The following RELN variants were observed in gnomAD, a reference collection of about 807,000 sequenced individuals.
The protein encoded by RELN is reelin.
Under a neutral mutation model 427.6 loss-of-function variants are expected in RELN, and 108 were observed. The ratio of observed to expected loss-of-function variants is 0.25; its 90% CI spans 0.22 to 0.30. RELN has a LOEUF of 0.30. Ranked by LOEUF, RELN falls within the 10% of genes least tolerant of loss-of-function variation. RELN has a pLI of 1.00. For missense variants in RELN, 3,715 were observed against 4,302.8 expected (o/e 0.86, Z 3.82); for synonymous variants, 1,524 against 1,513.4 (o/e 1.01, Z -0.16).
chr7:103,964,858 A>G (rs1796631369), intron 1 of RELN, among the ~76,000 whole-genome samples: 1 of 152,256 alleles, frequency 6.6e-6, no homozygotes, highest in Middle Eastern at 3.4e-3. Flanking sequence ...ACAGTCAGGG[A>G]CTTGAAGCCA....
In RELN at chr7:103,745,491, C is replaced by A. The variant is rs199964149; in HGVS notation, c.656+3935G>T. Among the ~76,000 whole-genome samples the A allele has an allele frequency of 4.3e-5, 6 of 139,186 alleles. No individual in the cohort carries two copies. The East Asian group carries it at 5.9e-4, about 14-fold the overall frequency. The allele number at this position is 139,186 out of a possible 152,430, so 91.3% of individuals were successfully genotyped here. A position where few individuals can be genotyped will look rare whatever the true frequency, so the allele number is the denominator to read the frequency against. On this transcript the variant is annotated intron_variant, in intron 6 of 64. Transcript: ENST00000428762. ...AAGTCAAATTGTCCCTGTTTGCAGACGACATGATTGTATATCTATAAAACC... is the reference window on the plus strand; with the variant it reads ...AAGTCAAATTGTCCCTGTTTGCAGAAGACATGATTGTATATCTATAAAACC...
At chr7:103,477,321 G>T (rs557489760) in intron 64 of RELN, among the ~76,000 whole-genome samples, 2 of 152,126 alleles carry the variant, frequency 1.3e-5, no homozygotes, top group East Asian at 3.8e-4. Context: ...TTTTTTAATG[G>T]ATTCTAAAGG....
intron 7 of RELN, 130 bp downstream of exon 7, chr7:103,727,981 A>G: frequency 1.2e-6 from 1 of 819,758 alleles, no homozygotes; most frequent in South Asian, 1.5e-5. Flanking sequence ...ATTTTAAGAT[A>G]TTTGTAATAG....
intron 1 of RELN, among the ~76,000 whole-genome samples, chr7:103,926,627 G>GTTTTTTTTTTT (rs60259062): frequency 1.7e-4 from 17 of 99,484 alleles, no homozygotes; most frequent in African/African-American, 3.2e-4. Flanking sequence ...AGTATCATAA[G>GTTTTTTTTTTT]TTTTTTTTTT....
At chr7:103,943,452 A>G (rs536126396) in intron 1 of RELN, among the ~76,000 whole-genome samples, 2 of 152,296 alleles carry the variant, frequency 1.3e-5, no homozygotes, top group African/African-American at 4.8e-5. Flanking sequence ...GGCTGCACTC[A>G]AATTAAATGT....
At chr7:103,733,258 T>G (rs896058341) in intron 6 of RELN, among the ~76,000 whole-genome samples, 3 of 151,354 alleles carry the variant, frequency 2.0e-5, no homozygotes, top group African/African-American at 4.9e-5. Context: ...TCACACCAGT[T>G]AGAATGGCAA....
intron 2 of RELN, among the ~76,000 whole-genome samples, chr7:103,838,290 G>A (rs982951045): frequency 2.0e-5 from 3 of 150,930 alleles, no homozygotes; most frequent in African/African-American, 7.3e-5. Flanking sequence ...TCAGGAGCAG[G>A]ACTGGAAAAA....
At position 103,791,873 on chromosome 7, in the gene RELN, C is replaced by T. The variant is rs1792170382; in HGVS notation, c.474-15246G>A. The stretch of plus-strand genomic sequence containing the variant: ...TCCAGTATATATGAAGAACTCTTTA[C>T]AACTCAATAAAAAATAAGTAACTCA... On this transcript the variant is annotated intron_variant, in intron 3 of 64. Transcript: ENST00000428762. Among the ~76,000 whole-genome samples the T allele has an allele frequency of 2.6e-5, 4 of 151,906 alleles. No individual in the cohort carries two copies. In the South Asian group the frequency reaches 8.3e-4, roughly 31 times the overall value.
intron 4 of RELN, among the ~76,000 whole-genome samples, chr7:103,772,444 T>G (rs762787590): frequency 5.9e-5 from 9 of 152,194 alleles, no homozygotes; most frequent in Non-Finnish European, 1.0e-4. Flanking sequence ...GAAGATTAGA[T>G]GAGTTGTGAA....
chr7:103,532,637 C>T (rs941729265), intron 46 of RELN, among the ~76,000 whole-genome samples: 1 of 152,156 alleles, frequency 6.6e-6, no homozygotes, highest in Non-Finnish European at 1.5e-5. Context: ...CTCTCTCTAT[C>T]TGATCCATAT....
intron 57 of RELN, among the ~76,000 whole-genome samples, chr7:103,493,948 AAGAG>A (rs1341565319): frequency 1.3e-5 from 2 of 152,166 alleles, no homozygotes; most frequent in Non-Finnish European, 2.9e-5. Flanking sequence ...TGGTTATAGA[AAGAG>A]AGACCCAGTC....
At chr7:103,899,766 C>T (rs974937775) in intron 2 of RELN, among the ~76,000 whole-genome samples, 2 of 152,092 alleles carry the variant, frequency 1.3e-5, no homozygotes, top group African/African-American at 4.8e-5. Flanking sequence ...GCTAAAAACT[C>T]TCAATAAACT....
chr7:103,704,220 A>G (rs1408371923), intron 8 of RELN, among the ~76,000 whole-genome samples: 2 of 152,144 alleles, frequency 1.3e-5, no homozygotes, highest in Non-Finnish European at 2.9e-5. Context: ...TGTTTACTCA[A>G]CCCCATAATA....
chr7:103,909,871 T>A (rs927164406), intron 2 of RELN, among the ~76,000 whole-genome samples: 20 of 127,216 alleles, frequency 1.6e-4, no homozygotes, highest in Non-Finnish European at 2.7e-4. Context: ...TTTGTAATTA[T>A]ACTCCTATCT....
At chr7:103,708,866 C>T (rs939296630) in intron 8 of RELN, among the ~76,000 whole-genome samples, 5 of 152,098 alleles carry the variant, frequency 3.3e-5, no homozygotes, top group Admixed American at 1.3e-4. Flanking sequence ...ATGCTAACCC[C>T]GTCACTCGTT....
chr7:103,493,734 C>T (rs1045557497), intron 57 of RELN, among the ~76,000 whole-genome samples: 1 of 151,946 alleles, frequency 6.6e-6, no homozygotes, highest in African/African-American at 2.4e-5. Flanking sequence ...ACCCAGAAGC[C>T]TAGGGGAAAG....
At chr7:103,758,700 A>G (rs1444457918) in intron 4 of RELN, among the ~76,000 whole-genome samples, 2 of 149,606 alleles carry the variant, frequency 1.3e-5, no homozygotes, top group African/African-American at 2.5e-5. Flanking sequence ...TAATCTTTTC[A>G]TACTAGATAA....
At chr7:103,834,160 A>G (rs1393089038) in intron 2 of RELN, among the ~76,000 whole-genome samples, 1 of 152,222 alleles carries the variant, frequency 6.6e-6, no homozygotes, top group Non-Finnish European at 1.5e-5. Context: ...AGGTTTCAAG[A>G]AAAGGTCCTT....
chr7:103,788,643 A>G (rs895779878), intron 3 of RELN, among the ~76,000 whole-genome samples: 4 of 152,120 alleles, frequency 2.6e-5, no homozygotes, highest in African/African-American at 9.7e-5. Flanking sequence ...ATGTGAAGGA[A>G]CTCTTCAAGG....
Sources: allele counts gnomAD v4.1 joint callset (sites outside exome capture counted in the v4.1 genomes callset), GRCh38; gene constraint gnomAD v4.1.1; transcripts MANE v1.5; gene names NCBI Gene and HGNC (gene_info 2026-07-23, HGNC 2026-07-21).